The following ULK4 variants were observed in gnomAD, a reference collection of about 807,000 sequenced individuals.
ULK4 encodes the protein unc-51 like kinase 4, also known as inactive serine/threonine-protein kinase ULK4.
In ULK4, 133 loss-of-function variants were observed where a neutral mutation model predicts 160.6. The observed-to-expected ratio is 0.83, with a 90% confidence interval of 0.72 to 0.96. ULK4 has a LOEUF of 0.96. ULK4 is among the 40% of genes least tolerant of loss of function. ULK4 has a pLI of 0.00. For synonymous variants in ULK4, 534 were observed against 539.8 expected (o/e 0.99, Z 0.15); for missense variants, 1,580 against 1,499.5 (o/e 1.05, Z -0.89).
intron 21 of ULK4, among the ~76,000 whole-genome samples, chr3:41,765,025 A>T (rs1258644190): frequency 6.6e-6 from 1 of 152,176 alleles, no homozygotes; most frequent in Admixed American, 6.5e-5. Flanking sequence ...TAGAACTAGA[A>T]ATACCATTTG....
At chr3:41,473,764 T>G (rs1339632218) in intron 32 of ULK4, among the ~76,000 whole-genome samples, 1 of 151,168 alleles carries the variant, frequency 6.6e-6, no homozygotes, top group African/African-American at 2.4e-5. Flanking sequence ...AAAATACTTA[T>G]GAATAAATTT....
intron 21 of ULK4, among the ~76,000 whole-genome samples, chr3:41,757,721 C>A (rs1249707455): frequency 6.6e-6 from 1 of 151,780 alleles, no homozygotes; most frequent in Non-Finnish European, 1.5e-5. Context: ...GTAACCTCCC[C>A]TTCCTGGGTT....
At chr3:41,717,332 C>T (rs2037303722) in intron 23 of ULK4, among the ~76,000 whole-genome samples, 1 of 151,758 alleles carries the variant, frequency 6.6e-6, no homozygotes, top group Non-Finnish European at 1.5e-5. Flanking sequence ...GTTTTTTTAA[C>T]AATAAATAAA....
chr3:41,614,324 G>A (rs866040516), intron 31 of ULK4, among the ~76,000 whole-genome samples: 10 of 152,330 alleles, frequency 6.6e-5, no homozygotes, highest in Admixed American at 3.3e-4. Context: ...AGTTTGGACA[G>A]CTTTGGCTCT....
At chr3:41,880,845 C>T (rs950804633) in intron 17 of ULK4, among the ~76,000 whole-genome samples, 1 of 152,106 alleles carries the variant, frequency 6.6e-6, no homozygotes, top group Non-Finnish European at 1.5e-5. Context: ...ATCTCTTCAA[C>T]CCGGGAGGCA....
At chr3:41,890,484 A>G (rs1191868131) in intron 16 of ULK4, among the ~76,000 whole-genome samples, 1 of 151,958 alleles carries the variant, frequency 6.6e-6, no homozygotes, top group East Asian at 2.0e-4. Context: ...GTTTGAGACC[A>G]GCCTGGCCAA....
intron 32 of ULK4, among the ~76,000 whole-genome samples, chr3:41,466,586 T>C (rs1471263233): frequency 2.0e-5 from 3 of 152,150 alleles, no homozygotes; most frequent in Admixed American, 6.5e-5. Flanking sequence ...TAAGAGAAGA[T>C]TTTGCAACTA....
chr3:41,664,304 T>C (rs1475922264), intron 29 of ULK4, among the ~76,000 whole-genome samples: 1 of 152,176 alleles, frequency 6.6e-6, no homozygotes, highest in African/African-American at 2.4e-5. Context: ...ATGGCTAAGA[T>C]GTAGCACAGC....
chr3:41,811,050 ATT>A (rs567683789), intron 19 of ULK4, among the ~76,000 whole-genome samples: 1 of 151,034 alleles, frequency 6.6e-6, no homozygotes, highest in African/African-American at 2.4e-5. Flanking sequence ...CACTGGGCTA[ATT>A]TTAAATTTTT....
chr3:41,545,435 G>A (rs567785389), intron 32 of ULK4, among the ~76,000 whole-genome samples: 4 of 151,990 alleles, frequency 2.6e-5, no homozygotes, highest in South Asian at 2.1e-4. Context: ...ATATTCTTTC[G>A]GCACTTTAAA....
chr3:41,733,177 TAC>T (rs762590738), intron 22 of ULK4, among the ~76,000 whole-genome samples: 1 of 152,160 alleles, frequency 6.6e-6, no homozygotes, highest in East Asian at 1.9e-4. Context: ...ATTTGATCAT[TAC>T]ACAGTGTATA....
chr3:41,813,041 T>C (rs754968746), intron 19 of ULK4, among the ~76,000 whole-genome samples: 1 of 152,194 alleles, frequency 6.6e-6, no homozygotes, highest in Non-Finnish European at 1.5e-5. Context: ...CATAATAGTC[T>C]ATATAATTAT....
At chr3:41,270,211 G>A (rs751149924) in intron 35 of ULK4, among the ~76,000 whole-genome samples, 4 of 152,160 alleles carry the variant, frequency 2.6e-5, no homozygotes, top group African/African-American at 9.7e-5. Context: ...GTGGTGATGC[G>A]GCACAGTCAG....
intron 20 of ULK4, among the ~76,000 whole-genome samples, chr3:41,790,824 C>T (rs1157150489): frequency 2.0e-5 from 3 of 151,880 alleles, no homozygotes; most frequent in African/African-American, 7.3e-5. Flanking sequence ...AAAGGGAAGG[C>T]CTTGAAAGTT....
chr3:41,677,699 C>A (rs987317392), intron 29 of ULK4, among the ~76,000 whole-genome samples: 11 of 152,142 alleles, frequency 7.2e-5, no homozygotes, highest in African/African-American at 2.4e-4. Flanking sequence ...GATATTAATT[C>A]ATCAATTTAA....
intron 32 of ULK4, among the ~76,000 whole-genome samples, chr3:41,563,437 A>T (rs570992449): frequency 1.3e-5 from 2 of 152,258 alleles, no homozygotes; most frequent in East Asian, 3.9e-4. Context: ...CTCCTGGATA[A>T]TATCCTGAAG....
intron 30 of ULK4, among the ~76,000 whole-genome samples, chr3:41,621,632 TA>T (rs1175012793): frequency 2.6e-5 from 4 of 152,142 alleles, no homozygotes; most frequent in African/African-American, 9.7e-5. Flanking sequence ...ACTATATAGT[TA>T]CATGTAAAAC....
chr3:41,456,099 G>T (rs776999556), intron 33 of ULK4, among the ~76,000 whole-genome samples: 1 of 152,066 alleles, frequency 6.6e-6, no homozygotes, highest in African/African-American at 2.4e-5. Flanking sequence ...TAGTAGAGAC[G>T]GGGTTTTGCC....
At chr3:41,341,725 C>G (rs1257969238) in intron 35 of ULK4, among the ~76,000 whole-genome samples, 1 of 152,154 alleles carries the variant, frequency 6.6e-6, no homozygotes, top group South Asian at 2.1e-4. Flanking sequence ...ACATTTGGTC[C>G]TACAGGCTCC....
Sources: allele counts gnomAD v4.1 joint callset (sites outside exome capture counted in the v4.1 genomes callset), GRCh38; gene constraint gnomAD v4.1.1; transcripts MANE v1.5; gene names NCBI Gene and HGNC (gene_info 2026-07-23, HGNC 2026-07-21).